LRP12: variants seen among roughly 807,000 people sequenced by gnomAD.
LRP12 encodes LDL receptor related protein 12.
Under a neutral mutation model 66.0 loss-of-function variants are expected in LRP12, and 14 were observed. The observed-to-expected ratio is 0.21, with a 90% CI of 0.14 to 0.33. The LOEUF (loss-of-function observed/expected upper bound fraction) is 0.33, where lower values mean the gene tolerates loss of function less well. LRP12 is among the 10% of genes least tolerant of loss of function. The pLI is 1.00. For synonymous variants in LRP12, 357 were observed against 359.1 expected (o/e 0.99, Z 0.07); for missense variants, 889 against 1,053.4 (o/e 0.84, Z 2.16).
intron 1 of LRP12, among the ~76,000 whole-genome samples, chr8:104,586,328 T>A (rs1425204824): frequency 2.0e-5 from 3 of 152,236 alleles, no homozygotes; most frequent in Non-Finnish European, 4.4e-5. Flanking sequence ...GTGAAATGTT[T>A]CAAAAATCTG....
At position 104,548,174 on chromosome 8, in the gene LRP12, A is replaced by ATTAATATACATAT. The variant is rs1221257607; in HGVS notation, c.80-16212_80-16211insATATGTATATTAA. Among the ~76,000 whole-genome samples, 738 of 99,084 alleles carry ATTAATATACATAT rather than the reference A, an allele frequency of 7.4e-3. 19 individuals are homozygous for ATTAATATACATAT. The highest frequency in any genetic ancestry group is 0.033 in the African/African-American group (699 of 21,442). The allele number at this position is 99,084 out of a possible 152,430, so 65.0% of individuals were successfully genotyped here. Reference sequence around the variant, plus strand: ...TATATTAATAATTATTATATATAATATAATATATAATATATATATAAATAT... The same window carrying ATTAATATACATAT: ...TATATTAATAATTATTATATATAATATTAATATACATATTAATATATAATATATATATAAATAT... On this transcript the variant is annotated intron_variant, in intron 1 of 6. Transcript: ENST00000276654.
At chr8:104,514,611 A>C (rs1210364248) in intron 2 of LRP12, among the ~76,000 whole-genome samples, 1 of 151,778 alleles carries the variant, frequency 6.6e-6, no homozygotes, top group African/African-American at 2.4e-5. Context: ...GCTACTCAGG[A>C]GGCTGAGGTG....
chr8:104,589,155 G>T lies in LRP12; in HGVS notation c.-258C>A. On this transcript the variant is annotated 5_prime_UTR_variant, in exon 1 of 7. Transcript: ENST00000276654. ...CCCACGCGGGGCGGCCCTCCTGGGG[G>T]CAAGGGCAAGGAGCTCGCGCGCCAG... 5.6e-6 allele frequency: 1 copy of T among 177,276 alleles called. No homozygotes were observed. Among genetic ancestry groups the T allele is most frequent in the Non-Finnish European group, 1.2e-5 (1 of 86,106 alleles). 11.0% of individuals were successfully genotyped at this position (177,276 alleles called of 1,614,324 possible).
intron 1 of LRP12, among the ~76,000 whole-genome samples, chr8:104,581,614 T>A (rs751897950): frequency 6.6e-6 from 1 of 152,162 alleles, no homozygotes; most frequent in Non-Finnish European, 1.5e-5. Flanking sequence ...TGTTGGGTTT[T>A]AAGCAAGAAA....
chr8:104,493,367 AC>A (rs1810668094), intron 6 of LRP12, among the ~76,000 whole-genome samples: 1 of 152,224 alleles, frequency 6.6e-6, no homozygotes, highest in African/African-American at 2.4e-5. Flanking sequence ...AATCTAACTT[AC>A]CACCCATAAA....
intron 2 of LRP12, among the ~76,000 whole-genome samples, chr8:104,526,200 G>GAGGATACA (rs1564136005): frequency 1.5e-4 from 22 of 151,646 alleles, no homozygotes; most frequent in African/African-American, 5.1e-4. Context: ...ACAAATGGAA[G>GAGGATACA]AACATTCCAT....
intron 1 of LRP12, among the ~76,000 whole-genome samples, chr8:104,536,203 A>C (rs1192450161): frequency 6.6e-6 from 1 of 151,968 alleles, no homozygotes; most frequent in Non-Finnish European, 1.5e-5. Flanking sequence ...TTCCCATTCT[A>C]TCTCTTCTTT....
chr8:104,496,908 G>T, intron 5 of LRP12, 64 bp downstream of exon 5: 1 of 1,406,478 alleles, frequency 7.1e-7, no homozygotes, highest in Non-Finnish European at 9.4e-7. Context: ...AATCATCAAA[G>T]AACTTGTTTC....
intron 2 of LRP12, among the ~76,000 whole-genome samples, chr8:104,509,470 C>G (rs1267877974): frequency 6.6e-6 from 1 of 152,202 alleles, no homozygotes; most frequent in Non-Finnish European, 1.5e-5. Flanking sequence ...TGAATCTTCC[C>G]TTTGTCCAGT....
At position 104,497,163 on chromosome 8, in the gene LRP12, A is replaced by G; in HGVS notation, c.1389T>C (p.Cys463=). ...PGNFHCKNNR[C]VFESWVCDSQ... ...AATCACACACCCAACTTTCAAACAC[A>G]CAACGATTGTTTTTACAATGGAAAT... The change falls in exon 5 of 7, where the codon TGT becomes TGC. Residue 463 remains cysteine (C), a synonymous_variant. Transcript: ENST00000276654. The surrounding 1 kb of genome is among the most constrained non-coding windows in gnomAD (Gnocchi z 4.3). 1 of 1,610,794 alleles carries G rather than the reference A, an allele frequency of 6.2e-7. No homozygotes were observed. The highest frequency in any genetic ancestry group is 8.5e-7 in the Non-Finnish European group (1 of 1,178,366).
chr8:104,547,489 TTC>T (rs1232002770), intron 1 of LRP12, among the ~76,000 whole-genome samples: 10 of 133,616 alleles, frequency 7.5e-5, no homozygotes, highest in African/African-American at 2.7e-5. Flanking sequence ...CAATATATAA[TTC>T]TGTTATATTA....
intron 3 of LRP12, chr8:104,504,460 T>C (rs1810875242): frequency 6.6e-6 from 1 of 152,178 alleles, no homozygotes; most frequent in Non-Finnish European, 1.5e-5. Flanking sequence ...CTTTTCTAAG[T>C]ATTCTTTCAA....
chr8:104,497,189 T>C lies in LRP12; in HGVS notation c.1363A>G (p.Asn455Asp). 1.2e-6 allele frequency: 2 copies of C among 1,610,966 alleles called. No individual in the cohort carries two copies. Among genetic ancestry groups the C allele is most frequent in the Non-Finnish European group, 1.7e-6 (2 of 1,178,414 alleles). The change falls in exon 5 of 7, where the codon AAT becomes GAT. Residue 455 changes from asparagine (N) to aspartate (D), a missense_variant. This residue lies in a region of LRP12 where 800 missense variants were observed against 964.5 expected (regional missense o/e 0.83). Transcript: ENST00000276654. The surrounding 1 kb of genome is among the most constrained non-coding windows in gnomAD (Gnocchi z 4.3). ...CAACGATTGTTTTTACAATGGAAATTTCCTGGTTGGCAAAAAAAGCAGTTT... is the reference window on the plus strand; with the variant it reads ...CAACGATTGTTTTTACAATGGAAATCTCCTGGTTGGCAAAAAAAGCAGTTT... ...EKNCFFCQPG[N>D]FHCKNNRCVF...
intron 4 of LRP12, among the ~76,000 whole-genome samples, chr8:104,499,005 T>G (rs1340122927): frequency 6.6e-6 from 1 of 152,206 alleles, no homozygotes; most frequent in African/African-American, 2.4e-5. Flanking sequence ...AAAAATACAT[T>G]CTGAAGTAAC....
intron 5 of LRP12, 42 bp from the exon 6 acceptor site, chr8:104,495,251 C>T (rs370253438): frequency 9.8e-5 from 154 of 1,578,040 alleles, no homozygotes; most frequent in Middle Eastern, 1.7e-4. Flanking sequence ...AAAGGGGGAG[C>T]GAAGAAAAAG....
In LRP12 at chr8:104,497,746, G is replaced by A; in HGVS notation, c.806C>T (p.Thr269Ile). Residue 269 changes from threonine to isoleucine, a missense_variant, in exon 5 of 7, where the codon ACT (threonine) becomes ATT (isoleucine). This residue lies in a region of LRP12 where 800 missense variants were observed against 964.5 expected (regional missense o/e 0.83). Coordinates refer to ENST00000276654, the MANE Select transcript of LRP12 (RefSeq NM_013437.5). The surrounding 1 kb of genome is among the most constrained non-coding windows in gnomAD (Gnocchi z 4.3). ...GTCTGGATAATTGGGAGAATTAAAAGTACCATAAAAATATTTTAGCCATTG... is the reference window on the plus strand; with the variant it reads ...GTCTGGATAATTGGGAGAATTAAAAATACCATAAAAATATTTTAGCCATTG... ...CGQWLKYFYG[T>I]FNSPNYPDFY... 6.2e-7 allele frequency: 1 copy of A among 1,613,716 alleles called. No individual in the cohort carries two copies. Among genetic ancestry groups the A allele is most frequent in the Non-Finnish European group, 8.5e-7 (1 of 1,179,858 alleles).
intron 6 of LRP12, among the ~76,000 whole-genome samples, chr8:104,494,426 T>G (rs1810688511): frequency 6.6e-6 from 1 of 152,180 alleles, no homozygotes; most frequent in African/African-American, 2.4e-5. Context: ...AAAACAATGT[T>G]TACCAGTTTT....
At position 104,577,797 on chromosome 8, in the gene LRP12, C is replaced by T. The variant is rs60634698; in HGVS notation, c.79+11022G>A. Among the ~76,000 whole-genome samples, 826 of 120,380 alleles carry T rather than the reference C, an allele frequency of 6.9e-3. 9 individuals carry two copies. Among genetic ancestry groups the T allele is most frequent in the African/African-American group, 0.026 (770 of 29,926 alleles). 79.0% of individuals were successfully genotyped at this position (120,380 alleles called of 152,430 possible). A position where few individuals can be genotyped will look rare whatever the true frequency, so the allele number is the denominator to read the frequency against. On this transcript the variant is annotated intron_variant, in intron 1 of 6. Transcript: ENST00000276654. ...CTGTGCTCCAGCCTGGGTAACAGAA[C>T]GAGACTCCATCTCAAAAAAAAAAAA...
chr8:104,546,596 C>T (rs12680652), intron 1 of LRP12, among the ~76,000 whole-genome samples: 10,501 of 152,098 alleles, frequency 0.069, 415 homozygotes, highest in South Asian at 0.08. Context: ...GACAATTCTA[C>T]AGCTAGTAAG....
Sources: allele counts gnomAD v4.1 joint callset (sites outside exome capture counted in the v4.1 genomes callset), GRCh38; gene constraint gnomAD v4.1.1; regional missense constraint gnomAD v4.1.1; non-coding constraint Gnocchi (gnomAD v3.1); transcripts MANE v1.5; gene names NCBI Gene and HGNC (gene_info 2026-07-23, HGNC 2026-07-21).